IQGAP1: variants seen among roughly 807,000 people sequenced by gnomAD.
The protein encoded by IQGAP1 is ras GTPase-activating-like protein IQGAP1.
Under a neutral mutation model 215.6 loss-of-function variants are expected in IQGAP1, and 66 were observed. The ratio of observed to expected loss-of-function variants is 0.31; its 90% CI spans 0.25 to 0.38. The LOEUF is 0.38. IQGAP1 is among the 10% of genes least tolerant of loss of function. The pLI is 1.00. For missense variants in IQGAP1, 1,712 were observed against 1,997.1 expected, an observed-to-expected ratio of 0.86 and a Z score of 2.72; for synonymous variants, 772 against 728.7, an observed-to-expected ratio of 1.06 and a Z score of -0.96.
At chr15:90,449,113 C>G (rs1965565540) in intron 10 of IQGAP1, among the ~76,000 whole-genome samples, 1 of 151,166 alleles carries the variant, frequency 6.6e-6, no homozygotes, top group East Asian at 1.9e-4. Context: ...CTGGCCAAAG[C>G]TGGAAAAGTA....
In IQGAP1 at chr15:90,500,114, C is replaced by T. The variant is rs144921710; in HGVS notation, c.*6C>T. The stretch of plus-strand genomic sequence containing the variant: ...AAAAGTTCTACGGGAAGTAATTGAT[C>T]GTTTGCTGCCAGCCCAGAAGGATGA... On this transcript the variant is annotated 3_prime_UTR_variant, in exon 38 of 38. Transcript: ENST00000268182. The T allele has an allele frequency of 2.7e-6, 4 of 1,474,416 alleles. No individual in the cohort carries two copies. Among genetic ancestry groups the T allele is most frequent in the South Asian group, 1.1e-5 (1 of 88,134 alleles). The allele number at this position is 1,474,416 out of a possible 1,614,324, so 91.3% of individuals were successfully genotyped here.
chr15:90,474,768 G>A, intron 23 of IQGAP1, 75 bp downstream of exon 23: 1 of 1,129,708 alleles, frequency 8.9e-7, no homozygotes, highest in Non-Finnish European at 1.3e-6. Context: ...CTTTCTGACT[G>A]GTGGGGAGGG....
chr15:90,422,620 A>ATATATGTATATATATATATG (rs1360628917), intron 2 of IQGAP1, among the ~76,000 whole-genome samples: 1 of 74,332 alleles, frequency 1.3e-5, no homozygotes, highest in Admixed American at 1.8e-4. Context: ...ATATATATAT[A>ATATATGTATATATATATATG]TATATGTATA....
rs563461967 is a variant in IQGAP1 at position 90,390,698 on chromosome 15, T to C, written c.56-76T>C. ...GACTTTCTAGGTGAGTGGCAGGAAA[T>C]TGATTCTGTGGCAATCTTTTATCAC... On this transcript the variant is annotated intron_variant, in intron 1 of 37. Transcript: ENST00000268182. The C allele has an allele frequency of 1.1e-3, 1,125 of 994,256 alleles. 4 individuals carry two copies. Among genetic ancestry groups the C allele is most frequent in the Non-Finnish European group, 9.9e-4 (620 of 628,850 alleles). The allele number at this position is 994,256 out of a possible 1,614,324, so 61.6% of individuals were successfully genotyped here.
At chr15:90,432,047 G>A (rs938519788) in intron 4 of IQGAP1, among the ~76,000 whole-genome samples, 2 of 152,104 alleles carry the variant, frequency 1.3e-5, no homozygotes, top group African/African-American at 4.8e-5. Flanking sequence ...TGCAATCCTT[G>A]TTAGATACAT....
intron 2 of IQGAP1, among the ~76,000 whole-genome samples, chr15:90,413,513 A>G (rs1265028674): frequency 4.6e-5 from 7 of 152,214 alleles, no homozygotes. Context: ...ATATTAGCCA[A>G]TAGGTCATGA....
Position 90,433,767 on chromosome 15 carries a change from A to AG in IQGAP1, c.440dup (p.Cys148MetfsTer29). ...TATCTATGATCGAAAGAACATGCCA[A>AG]GATGTATCTACTGTATCCATGCACT... is the stretch of plus-strand genomic sequence containing the variant. On this transcript the variant is annotated frameshift_variant, in exon 5 of 38. Transcript: ENST00000268182. LOFTEE classifies it high-confidence loss of function. 1 of 1,607,850 alleles carries AG rather than the reference A, an allele frequency of 6.2e-7. No individual in the cohort carries two copies. Among genetic ancestry groups the AG allele is most frequent in the Non-Finnish European group, 8.5e-7 (1 of 1,175,960 alleles).
intron 9 of IQGAP1, among the ~76,000 whole-genome samples, chr15:90,446,550 T>A (rs970113997): frequency 3.9e-5 from 6 of 152,126 alleles, no homozygotes; most frequent in African/African-American, 1.4e-4. Flanking sequence ...TTAGGATAGA[T>A]AAGAGGGTGA....
chr15:90,433,708 T>G lies in IQGAP1; in HGVS notation c.391-11T>G. 6.6e-7 allele frequency: 1 copy of G among 1,523,772 alleles called. No individual in the cohort carries two copies. Among genetic ancestry groups the G allele is most frequent in the Non-Finnish European group, 9.1e-7 (1 of 1,102,698 alleles). The allele number at this position is 1,523,772 out of a possible 1,614,324, so 94.4% of individuals were successfully genotyped here. ...TGGATATCTTACTCTGTTTCTTTTA[T>G]TTCTCCCTAGATTTTTTACCCAGAA... On this transcript the variant is annotated splice_polypyrimidine_tract_variant and intron_variant, in intron 4 of 37. Transcript: ENST00000268182.
chr15:90,400,106 T>C (rs967487045), intron 2 of IQGAP1, among the ~76,000 whole-genome samples: 3 of 152,218 alleles, frequency 2.0e-5, no homozygotes, highest in Non-Finnish European at 2.9e-5. Flanking sequence ...AGGGTTGCTA[T>C]TGGCTTAGCA....
At chr15:90,486,852 C>G (rs1567142523) in intron 31 of IQGAP1, 102 bp from the exon 32 acceptor site, 1 of 1,187,816 alleles carries the variant, frequency 8.4e-7, no homozygotes, top group African/African-American at 1.5e-5. Context: ...TTAGGTGATT[C>G]AAGTATTATC....
At chr15:90,400,648 G>A (rs1964792081) in intron 2 of IQGAP1, among the ~76,000 whole-genome samples, 1 of 152,216 alleles carries the variant, frequency 6.6e-6, no homozygotes, top group Admixed American at 6.5e-5. Flanking sequence ...AAAAAATCTG[G>A]CTGGGCTAAG....
chr15:90,464,332 C>A (rs1263298994), intron 15 of IQGAP1, among the ~76,000 whole-genome samples: 1 of 152,136 alleles, frequency 6.6e-6, no homozygotes, highest in African/African-American at 2.4e-5. Flanking sequence ...TTACAGGCAT[C>A]TTAATAAAGA....
intron 1 of IQGAP1, among the ~76,000 whole-genome samples, chr15:90,388,832 G>T (rs1402604416): frequency 2.0e-5 from 3 of 152,220 alleles, no homozygotes; most frequent in African/African-American, 7.2e-5. Flanking sequence ...GATAGACCAG[G>T]GTCCAGACCT....
At chr15:90,430,725 T>C (rs1965290163) in intron 4 of IQGAP1, among the ~76,000 whole-genome samples, 1 of 152,054 alleles carries the variant, frequency 6.6e-6, no homozygotes, top group Non-Finnish European at 1.5e-5. Context: ...GTTTTTATTT[T>C]CCTTGTACTT....
At position 90,445,139 on chromosome 15, in the gene IQGAP1, A is replaced by AT. The variant is rs200670119; in HGVS notation, c.913+1673dup. ...CCTGCCTCAAAAAATTAATTAATTA[A>AT]TTTTTTTTTTTTAAAAAAGAATCTG... On this transcript the variant is annotated intron_variant, in intron 9 of 37. Transcript: ENST00000268182. Among the ~76,000 whole-genome samples the AT allele has an allele frequency of 4.0e-3, 589 of 148,688 alleles. 5 individuals carry two copies. Among genetic ancestry groups the AT allele is most frequent in the Non-Finnish European group, 5.0e-3 (332 of 66,670 alleles).
intron 15 of IQGAP1, among the ~76,000 whole-genome samples, chr15:90,465,083 A>C (rs1448133583): frequency 6.6e-6 from 1 of 152,244 alleles, no homozygotes; most frequent in African/African-American, 2.4e-5. Flanking sequence ...TACTAAGGAA[A>C]GTAATCACAA....
At chr15:90,448,107 A>AT (rs758350008) in intron 9 of IQGAP1, among the ~76,000 whole-genome samples, 7 of 152,218 alleles carry the variant, frequency 4.6e-5, no homozygotes, top group Non-Finnish European at 1.0e-4. Context: ...AGTGGAATGT[A>AT]TTCAGTGTGA....
rs763204118 is a variant in IQGAP1, at chr15:90,452,877, A to C, written c.1265A>C (p.Tyr422Ser). Residue 422 changes from tyrosine to serine, a missense_variant, in exon 12 of 38, where the codon TAT (tyrosine) becomes TCT (serine). Tyr to Ser is a moderately radical substitution (Grantham distance 144, BLOSUM62 -2). Coordinates refer to ENST00000268182, the MANE Select transcript of IQGAP1 (RefSeq NM_003870.4). ...MNPEAQLPQV[Y>S]PFAADLYQKE... ...CCCGAAGCCCAGCTGCCCCAGGTGT[A>C]TCCATTTGCCGCCGATCTCTATCAG... 1 of 1,614,134 alleles carries C rather than the reference A, an allele frequency of 6.2e-7. No homozygotes were observed. Among genetic ancestry groups the C allele is most frequent in the South Asian group, 1.1e-5 (1 of 91,086 alleles).
Sources: gnomAD v4.1 joint callset for allele counts (sites outside exome capture counted in the v4.1 genomes callset) on GRCh38, gnomAD v4.1.1 for gene constraint, MANE v1.5 for transcripts, NCBI Gene and HGNC (gene_info 2026-07-23, HGNC 2026-07-21) for gene names.